PPP5C: variants seen among roughly 807,000 people sequenced by gnomAD.
The protein encoded by PPP5C is protein phosphatase 5 catalytic subunit, also known as serine/threonine-protein phosphatase 5.
PPP5C carries 21 observed loss-of-function variants against 66.7 expected under a neutral mutation model. The observed-to-expected ratio is 0.31, with a 90% confidence interval of 0.22 to 0.45. PPP5C has a LOEUF of 0.45. Ranked by LOEUF, PPP5C falls within the 20% of genes least tolerant of loss-of-function variation. The probability of loss-of-function intolerance (pLI) is 1.00; values close to 1 mark genes in which losing one functional copy is unlikely to be tolerated. For missense variants in PPP5C, 464 were observed against 675.9 expected (o/e 0.69, Z 3.48); for synonymous variants, 246 against 257.4 (o/e 0.96, Z 0.43).
chr19:46,350,899 G>T (rs557300776), intron 1 of PPP5C, among the ~76,000 whole-genome samples: 10 of 152,302 alleles, frequency 6.6e-5, no homozygotes, highest in African/African-American at 2.4e-4. Flanking sequence ...GCAGGGAGAA[G>T]AGAGGTCCCA....
In PPP5C at chr19:46,376,733, A is replaced by C; in HGVS notation, c.633+159A>C. ...GGACACTGTGCCGAGGGCTTACCAC[A>C]TGATCTCATCTCGTCCCACAGCAGT... On this transcript the variant is annotated intron_variant, in intron 4 of 12. Transcript: ENST00000012443. This position sits in a 1 kb window ranked among gnomAD's most constrained non-coding sequence, Gnocchi z 5.1. 3.9e-6 allele frequency: 4 copies of C among 1,025,146 alleles called. No homozygotes were observed. Among genetic ancestry groups the C allele is most frequent in the Non-Finnish European group, 4.2e-6 (3 of 721,924 alleles). 63.5% of individuals were successfully genotyped at this position (1,025,146 alleles called of 1,614,324 possible).
chr19:46,367,207 G>A lies in PPP5C; in HGVS notation c.364-8397G>A, dbSNP rs918814572. Among the ~76,000 whole-genome samples, 13 of 152,172 alleles carry A rather than the reference G, an allele frequency of 8.5e-5. 1 individual carries two copies. Among genetic ancestry groups the A allele is most frequent in the African/African-American group, 2.7e-4 (11 of 41,434 alleles). On this transcript the variant is annotated intron_variant, in intron 2 of 12. Transcript: ENST00000012443. ...ACAGAAGGTTTAAAAACATAGTTACGGTTTCTTAGGAATTATCCCTGCTTC... is the reference window on the plus strand; with the variant it reads ...ACAGAAGGTTTAAAAACATAGTTACAGTTTCTTAGGAATTATCCCTGCTTC...
At chr19:46,373,141 C>G (rs1410413990) in intron 2 of PPP5C, among the ~76,000 whole-genome samples, 2 of 152,242 alleles carry the variant, frequency 1.3e-5, no homozygotes, top group Non-Finnish European at 2.9e-5. Context: ...GGCCTAGTCC[C>G]AGAGCCCAGG....
chr19:46,385,636 C>T (rs375348217), intron 7 of PPP5C, among the ~76,000 whole-genome samples: 12 of 152,142 alleles, frequency 7.9e-5, no homozygotes, highest in Non-Finnish European at 1.5e-4. Flanking sequence ...AAAAATTAGC[C>T]GGGCATGGTG....
intron 2 of PPP5C, among the ~76,000 whole-genome samples, chr19:46,356,847 G>T (rs1177549042): frequency 6.6e-6 from 1 of 152,208 alleles, no homozygotes; most frequent in Non-Finnish European, 1.5e-5. Flanking sequence ...CATGTGGGCT[G>T]CAGGCAGAGA....
chr19:46,388,691 G>A lies in PPP5C; in HGVS notation c.1315G>A (p.Gly439Arg), dbSNP rs775331289. Residue 439 changes from glycine to arginine, a missense_variant, in exon 11 of 13, where the codon GGA (glycine) becomes AGA (arginine). Gly to Arg is a moderately radical substitution (Grantham distance 125). Around this residue, in one of 2 missense-constraint regions of PPP5C, gnomAD observed 387 missense variants for 626.0 expected, o/e 0.62. Coordinates refer to ENST00000012443, the MANE Select transcript of PPP5C (RefSeq NM_006247.4). The surrounding 1 kb of genome is among the most constrained non-coding windows in gnomAD (Gnocchi z 4.9). ...GGCCGAGGGCTACGAGGTGGCTCAC[G>A]GAGGCCGCTGTGTCACCGTCTTCTC... ...VKAEGYEVAH[G>R]GRCVTVFSAP... 2.8e-5 allele frequency: 46 copies of A among 1,614,060 alleles called. No individual in the cohort carries two copies. The highest frequency in any genetic ancestry group is 3.4e-5 in the Non-Finnish European group (40 of 1,180,028).
At chr19:46,358,915 G>A (rs1216785755) in intron 2 of PPP5C, among the ~76,000 whole-genome samples, 1 of 152,190 alleles carries the variant, frequency 6.6e-6, no homozygotes, top group Non-Finnish European at 1.5e-5. Context: ...TTCGGGGGAT[G>A]AGTTTTTCTC....
intron 2 of PPP5C, among the ~76,000 whole-genome samples, chr19:46,365,077 G>A (rs566391765): frequency 6.6e-6 from 1 of 152,250 alleles, no homozygotes; most frequent in South Asian, 2.1e-4. Flanking sequence ...CCGCCTCCTG[G>A]GTTCAAGCAA....
chr19:46,383,959 C>A lies in PPP5C; in HGVS notation c.798+81C>A. On this transcript the variant is annotated intron_variant, in intron 6 of 12. Transcript: ENST00000012443. This position sits in a 1 kb window ranked among gnomAD's most constrained non-coding sequence, Gnocchi z 5.0. ...AGGTCTGCACAGAGTGGGAGGAGCC[C>A]TTGCCAGGAAAAGACGTGACCTTGG... is the stretch of plus-strand genomic sequence containing the variant. The A allele has an allele frequency of 8.4e-7, 1 of 1,194,094 alleles. No homozygotes were observed. Among genetic ancestry groups the A allele is most frequent in the Non-Finnish European group, 1.2e-6 (1 of 812,520 alleles). 74.0% of individuals were successfully genotyped at this position (1,194,094 alleles called of 1,614,324 possible). A position where few individuals can be genotyped will look rare whatever the true frequency, so the allele number is the denominator to read the frequency against.
chr19:46,353,300 C>G (rs1972223020), intron 1 of PPP5C, among the ~76,000 whole-genome samples: 1 of 152,182 alleles, frequency 6.6e-6, no homozygotes, highest in Non-Finnish European at 1.5e-5. Flanking sequence ...ACACTTAGAA[C>G]ATCAGTGTCC....
intron 1 of PPP5C, among the ~76,000 whole-genome samples, chr19:46,348,914 TG>T (rs1254623574): frequency 2.0e-5 from 3 of 152,108 alleles, no homozygotes; most frequent in Non-Finnish European, 4.4e-5. Flanking sequence ...CCATGGATGC[TG>T]GTAGTGATGT....
In PPP5C at chr19:46,383,727, T is replaced by A; in HGVS notation, c.700-53T>A. ...TACCCTTCCCCTCACCTCTGCCCCC[T>A]CCCCACGTCTCTCTCTCGGCCCGTC... On this transcript the variant is annotated intron_variant, in intron 5 of 12. Transcript: ENST00000012443. This position sits in a 1 kb window ranked among gnomAD's most constrained non-coding sequence, Gnocchi z 5.0. 7.0e-7 allele frequency: 1 copy of A among 1,429,558 alleles called. No homozygotes were observed. Among genetic ancestry groups the A allele is most frequent in the Non-Finnish European group, 9.9e-7 (1 of 1,013,764 alleles). The allele number at this position is 1,429,558 out of a possible 1,614,324, so 88.6% of individuals were successfully genotyped here.
At chr19:46,367,730 T>C (rs1424562874) in intron 2 of PPP5C, among the ~76,000 whole-genome samples, 1 of 152,086 alleles carries the variant, frequency 6.6e-6, no homozygotes, top group African/African-American at 2.4e-5. Flanking sequence ...GTGGGAACAA[T>C]TAGATCCTGG....
intron 2 of PPP5C, among the ~76,000 whole-genome samples, chr19:46,357,371 C>T (rs1428345330): frequency 1.3e-5 from 2 of 152,190 alleles, no homozygotes; most frequent in Non-Finnish European, 2.9e-5. Flanking sequence ...TCTATTCTCT[C>T]AGTCAACAGT....
chr19:46,357,429 C>T (rs1972305908), intron 2 of PPP5C, among the ~76,000 whole-genome samples: 2 of 152,172 alleles, frequency 1.3e-5, no homozygotes, highest in Admixed American at 1.3e-4. Context: ...GAGTGGAGGT[C>T]TCTCCCTACC....
At chr19:46,373,401 A>G (rs1046248137) in intron 2 of PPP5C, among the ~76,000 whole-genome samples, 6 of 152,232 alleles carry the variant, frequency 3.9e-5, no homozygotes, top group African/African-American at 1.2e-4. Context: ...AAACACTGCC[A>G]TGTAGAGGTG....
In PPP5C at chr19:46,384,903, C is replaced by T; in HGVS notation, c.898C>T (p.Leu300Phe). ...KLLYPDHFHL[L>F]RGNHETDNMN... ...CCTGTACCCAGATCACTTTCACCTC[C>T]TTCGAGGTGAGCTGGGAAGTGACAA... The change falls in exon 7 of 13, where the codon CTT (leucine) becomes TTT (phenylalanine). Residue 300 changes from leucine to phenylalanine, a missense_variant. Physicochemically the swap from Leu to Phe is conservative, Grantham distance 22. Around this residue, in one of 2 missense-constraint regions of PPP5C, gnomAD observed 387 missense variants for 626.0 expected, o/e 0.62. Coordinates refer to ENST00000012443, the MANE Select transcript of PPP5C (RefSeq NM_006247.4). 6.2e-7 allele frequency: 1 copy of T among 1,611,434 alleles called. No individual in the cohort carries two copies. Among genetic ancestry groups the T allele is most frequent in the Non-Finnish European group, 8.5e-7 (1 of 1,177,544 alleles).
chr19:46,383,227 AGCCTGCGGCTGCCTCCGGCCCC>A lies in PPP5C; in HGVS notation c.634-177_634-156del. On this transcript the variant is annotated intron_variant, in intron 4 of 12. Transcript: ENST00000012443. The surrounding 1 kb of genome is among the most constrained non-coding windows in gnomAD (Gnocchi z 5.0). The stretch of plus-strand genomic sequence containing the variant: ...GCTTCGGCACTGCACAGGCCACAGA[AGCCTGCGGCTGCCTCCGGCCCC>A]GCCTGCTCCCGCTCCCCCAGGCCTG... 1 of 1,537,860 alleles carries A rather than the reference AGCCTGCGGCTGCCTCCGGCCCC, an allele frequency of 6.5e-7. No individual in the cohort carries two copies. Among genetic ancestry groups the A allele is most frequent in the East Asian group, 2.5e-5 (1 of 40,772 alleles).
chr19:46,367,927 G>A (rs1157097434), intron 2 of PPP5C, among the ~76,000 whole-genome samples: 1 of 152,154 alleles, frequency 6.6e-6, no homozygotes, highest in Non-Finnish European at 1.5e-5. Context: ...TTGGTCCCTG[G>A]ACCCCTCCTG....
Sources: gnomAD v4.1 joint callset for allele counts (sites outside exome capture counted in the v4.1 genomes callset) on GRCh38, gnomAD v4.1.1 for gene constraint, gnomAD v4.1.1 regional missense constraint, Gnocchi (gnomAD v3.1) non-coding constraint, MANE v1.5 for transcripts, NCBI Gene and HGNC (gene_info 2026-07-23, HGNC 2026-07-21) for gene names.